Variants in UGT1A10 observed in about 807,000 individuals in gnomAD.
UGT1A10 encodes the protein UDP glucuronosyltransferase family 1 member A10, also known as UDP-glucuronosyltransferase 1A10.
UGT1A10 carries 49 observed loss-of-function variants against 45.8 expected under a neutral mutation model. That is an observed-to-expected ratio of 1.07 (90% confidence interval 0.85 to 1.36). The LOEUF (loss-of-function observed/expected upper bound fraction) is 1.36, where lower values mean the gene tolerates loss of function less well. Ranked by LOEUF, UGT1A10 falls within the 40% of genes most tolerant of loss-of-function variation. UGT1A10 has a pLI of 0.00. For missense variants in UGT1A10, 745 were observed against 668.6 expected (o/e 1.11, Z -1.26); for synonymous variants, 284 against 249.7 (o/e 1.14, Z -1.29).
chr2:233,701,455 G>T (rs573643817), intron 1 of UGT1A10, among the ~76,000 whole-genome samples: 1 of 152,102 alleles, frequency 6.6e-6, no homozygotes, highest in African/African-American at 2.4e-5. Context: ...AGTTAACAAG[G>T]ATACCCAGGA....
intron 1 of UGT1A10, among the ~76,000 whole-genome samples, chr2:233,675,275 G>A (rs902113953): frequency 2.6e-5 from 4 of 152,122 alleles, no homozygotes; most frequent in African/African-American, 2.4e-5. Context: ...ATTCCGTGTG[G>A]TCATTCTTTT....
chr2:233,720,341 A>G (rs1485102276), intron 1 of UGT1A10, among the ~76,000 whole-genome samples: 7 of 152,088 alleles, frequency 4.6e-5, no homozygotes, highest in Non-Finnish European at 1.0e-4. Flanking sequence ...TTTGGAAGGT[A>G]TGGTGATGGT....
At chr2:233,740,327 T>C (rs1299928906) in intron 1 of UGT1A10, among the ~76,000 whole-genome samples, 2 of 151,910 alleles carry the variant, frequency 1.3e-5, no homozygotes, top group Non-Finnish European at 2.9e-5. Context: ...TCTGCATTTA[T>C]TGAGAAAGTT....
chr2:233,744,522 T>A (rs1292521723), intron 1 of UGT1A10, among the ~76,000 whole-genome samples: 2 of 151,918 alleles, frequency 1.3e-5, no homozygotes, highest in Non-Finnish European at 2.9e-5. Context: ...CAATAGCAAA[T>A]CTTATTTTTA....
At chr2:233,754,129 A>C (rs1290911546) in intron 1 of UGT1A10, among the ~76,000 whole-genome samples, 1 of 152,214 alleles carries the variant, frequency 6.6e-6, no homozygotes, top group African/African-American at 2.4e-5. Context: ...TTTATGTGCA[A>C]TTAAAAGCCA....
At chr2:233,726,260 G>T (rs2077520293) in intron 1 of UGT1A10, among the ~76,000 whole-genome samples, 1 of 152,196 alleles carries the variant, frequency 6.6e-6, no homozygotes, top group Admixed American at 6.5e-5. Context: ...GGGTGCAGTG[G>T]CATGCGCCTA....
intron 1 of UGT1A10, among the ~76,000 whole-genome samples, chr2:233,688,387 C>A (rs1220480074): frequency 6.6e-6 from 1 of 152,160 alleles, no homozygotes; most frequent in Non-Finnish European, 1.5e-5. Flanking sequence ...ATACGATAAA[C>A]CCTGATGTTC....
chr2:233,655,841 T>C (rs1427424593), intron 1 of UGT1A10, among the ~76,000 whole-genome samples: 1 of 152,244 alleles, frequency 6.6e-6, no homozygotes, highest in Non-Finnish European at 1.5e-5. Context: ...TAAGTATCAG[T>C]TCCCCCATCC....
At chr2:233,725,318 G>A (rs538456783) in intron 1 of UGT1A10, among the ~76,000 whole-genome samples, 1 of 74,564 alleles carries the variant, frequency 1.3e-5, no homozygotes, top group South Asian at 5.6e-4. Flanking sequence ...AGGCAGAGGC[G>A]CCTGGTCAAC....
chr2:233,735,217 A>T (rs1317592719), intron 1 of UGT1A10, among the ~76,000 whole-genome samples: 1 of 152,114 alleles, frequency 6.6e-6, no homozygotes, highest in African/African-American at 2.4e-5. Flanking sequence ...GTGCATATAT[A>T]TTTAGGATAG....
chr2:233,698,322 C>G (rs913677756), intron 1 of UGT1A10, among the ~76,000 whole-genome samples: 4 of 152,104 alleles, frequency 2.6e-5, no homozygotes, highest in African/African-American at 9.7e-5. Flanking sequence ...ATGTCTGGAA[C>G]CAGATAGAGG....
At chr2:233,716,367 TG>T (rs1364638273) in intron 1 of UGT1A10, among the ~76,000 whole-genome samples, 9 of 152,348 alleles carry the variant, frequency 5.9e-5, no homozygotes, top group African/African-American at 2.2e-4. Flanking sequence ...TTTGTGGGGC[TG>T]TGATTCTGCC....
intron 1 of UGT1A10, among the ~76,000 whole-genome samples, chr2:233,679,021 CCTT>C (rs1386866836): frequency 7.2e-5 from 11 of 152,166 alleles, no homozygotes; most frequent in Middle Eastern, 3.2e-3. Context: ...GTGGTGTAAT[CCTT>C]CTGGACTTTC....
rs560828770 is a variant in UGT1A10, at chr2:233,701,758, G to A, written c.855+64381G>A. 2.2e-4 allele frequency among the ~76,000 whole-genome samples: 34 copies of A among 152,276 alleles called. No individual in the cohort carries two copies. The East Asian group carries it at 2.3e-3, about 10-fold the overall frequency. On this transcript the variant is annotated intron_variant, in intron 1 of 4. Transcript: ENST00000344644. ...CCTGAATAACTACTGGGTACATAACGAAATGAAGGCAGAAATAAAGGTGTT... is the reference window on the plus strand; with the variant it reads ...CCTGAATAACTACTGGGTACATAACAAAATGAAGGCAGAAATAAAGGTGTT...
chr2:233,642,323 C>T lies in UGT1A10; in HGVS notation c.855+4946C>T, dbSNP rs543820800. ...GACTTTGATGCATTCTTCATTATGC[C>T]GATTGCATTTTTCAGCTCCAGAATT... On this transcript the variant is annotated intron_variant, in intron 1 of 4. Coordinates refer to ENST00000344644, the MANE Select transcript of UGT1A10 (RefSeq NM_019075.4). Among the ~76,000 whole-genome samples, 32 of 152,176 alleles carry T rather than the reference C, an allele frequency of 2.1e-4. No individual in the cohort carries two copies. The South Asian group carries it at 3.1e-3, about 15-fold the overall frequency.
Position 233,740,507 on chromosome 2 carries a change from T to C in UGT1A10, c.856-26527T>C, listed in dbSNP as rs1011982264. ...CTTCCAGATGCTTTCCAGTGTGTGA[T>C]GTAAGCTGAACTAAAATCAGCTGTG... On this transcript the variant is annotated intron_variant, in intron 1 of 4. Coordinates refer to ENST00000344644, the MANE Select transcript of UGT1A10 (RefSeq NM_019075.4). Among the ~76,000 whole-genome samples the C allele has an allele frequency of 1.6e-4, 24 of 151,884 alleles. 2 individuals carry two copies. Among genetic ancestry groups the C allele is most frequent in the African/African-American group, 5.6e-4 (23 of 41,150 alleles).
At chr2:233,693,838 C>T (rs1282452133) in intron 1 of UGT1A10, 2 of 1,614,176 alleles carry the variant, frequency 1.2e-6, no homozygotes, top group Non-Finnish European at 1.7e-6. Flanking sequence ...GAGGTATCAA[C>T]TGTAAGAAGA....
chr2:233,696,680 A>T (rs1341129173), intron 1 of UGT1A10, among the ~76,000 whole-genome samples: 1 of 152,208 alleles, frequency 6.6e-6, no homozygotes, highest in Admixed American at 6.5e-5. Context: ...CAGTGCTGAC[A>T]GTCAGCATCT....
chr2:233,679,513 T>A (rs1257425601), intron 1 of UGT1A10, among the ~76,000 whole-genome samples: 1 of 152,238 alleles, frequency 6.6e-6, no homozygotes, highest in Non-Finnish European at 1.5e-5. Flanking sequence ...TGCTTGGTTT[T>A]CTTCCTTGCC....
Sources: allele counts gnomAD v4.1 joint callset (sites outside exome capture counted in the v4.1 genomes callset), GRCh38; gene constraint gnomAD v4.1.1; transcripts MANE v1.5; gene names NCBI Gene and HGNC (gene_info 2026-07-23, HGNC 2026-07-21).